CTIF: variants seen among roughly 807,000 people sequenced by gnomAD.
The protein encoded by CTIF is CBP80/20-dependent translation initiation factor.
In CTIF, 21 loss-of-function variants were observed where a neutral mutation model predicts 66.0. That is an observed-to-expected ratio of 0.32 (90% CI 0.23 to 0.46). The LOEUF (loss-of-function observed/expected upper bound fraction) is 0.46. CTIF is among the 20% of genes least tolerant of loss of function. CTIF has a pLI of 1.00. For synonymous variants in CTIF, 345 were observed against 326.4 expected (o/e 1.06, Z -0.62); for missense variants, 739 against 812.7 (o/e 0.91, Z 1.10).
chr18:48,578,597 T>G (rs2089586963), intron 1 of CTIF, among the ~76,000 whole-genome samples: 1 of 152,350 alleles, frequency 6.6e-6, no homozygotes, highest in East Asian at 1.9e-4. Context: ...TCTTTTCATG[T>G]GCTTTTTAGT....
chr18:48,565,042 G>C (rs1342880304), intron 1 of CTIF: 1 of 152,150 alleles, frequency 6.6e-6, no homozygotes, highest in African/African-American at 2.4e-5. Flanking sequence ...TGCATATTAA[G>C]TCAATTTCCT....
intron 10 of CTIF, among the ~76,000 whole-genome samples, chr18:48,839,167 A>G (rs919676257): frequency 6.6e-6 from 1 of 151,914 alleles, no homozygotes; most frequent in East Asian, 1.9e-4. Context: ...TTTCCCCTGA[A>G]TTACCCCACC....
At chr18:48,767,302 C>G (rs1017483765) in intron 9 of CTIF, among the ~76,000 whole-genome samples, 1 of 152,110 alleles carries the variant, frequency 6.6e-6, no homozygotes, top group African/African-American at 2.4e-5. Flanking sequence ...GAGTGTGCCT[C>G]TTTTTATGGG....
rs1045479473 is a variant in CTIF at position 48,711,833 on chromosome 18, T to C, written c.584+138T>C. ...GAGATGGGGTTGGTGGCATCGTGGG[T>C]TGGTTACTGGCTGGGGATTCCCCAG... On this transcript the variant is annotated intron_variant, in intron 7 of 11. Coordinates refer to ENST00000256413, the MANE Select transcript of CTIF (RefSeq NM_014772.3). 3 of 715,020 alleles carry C rather than the reference T, an allele frequency of 4.2e-6. No homozygotes were observed. The Admixed American group carries it at 6.6e-5, about 16-fold the overall frequency. The allele number at this position is 715,020 out of a possible 1,614,324, so 44.3% of individuals were successfully genotyped here. A position where few individuals can be genotyped will look rare whatever the true frequency, so the allele number is the denominator to read the frequency against.
At chr18:48,592,889 G>A (rs1208196161) in intron 1 of CTIF, among the ~76,000 whole-genome samples, 2 of 152,228 alleles carry the variant, frequency 1.3e-5, no homozygotes, top group Admixed American at 1.3e-4. Flanking sequence ...AAAACATCTG[G>A]GGGCTTCCTC....
intron 2 of CTIF, among the ~76,000 whole-genome samples, chr18:48,620,188 T>C (rs1222992272): frequency 6.6e-6 from 1 of 152,250 alleles, no homozygotes; most frequent in Non-Finnish European, 1.5e-5. Flanking sequence ...GCCAAAGGAA[T>C]GATTGTTAGT....
intron 9 of CTIF, among the ~76,000 whole-genome samples, chr18:48,773,002 C>G (rs1910320174): frequency 6.6e-6 from 1 of 152,200 alleles, no homozygotes; most frequent in South Asian, 2.1e-4. Context: ...AGGACACTGC[C>G]TTACTGAAAT....
chr18:48,711,778 C>T (rs1438729073), intron 7 of CTIF, 83 bp downstream of exon 7: 25 of 1,219,780 alleles, frequency 2.0e-5, no homozygotes, highest in East Asian at 9.3e-5. Context: ...GCCTGCATTT[C>T]GCTTTTCCCA....
intron 9 of CTIF, among the ~76,000 whole-genome samples, chr18:48,774,081 C>CA (rs1276826766): frequency 6.6e-6 from 1 of 152,182 alleles, no homozygotes; most frequent in African/African-American, 2.4e-5. Context: ...CAGGAACACA[C>CA]AGAGTGCACG....
intron 3 of CTIF, among the ~76,000 whole-genome samples, chr18:48,643,999 A>C (rs752218680): frequency 6.6e-6 from 1 of 152,178 alleles, no homozygotes; most frequent in Non-Finnish European, 1.5e-5. Flanking sequence ...CATTAATAAA[A>C]AAGTTCTTTC....
chr18:48,680,480 G>A (rs1400555026), intron 6 of CTIF, among the ~76,000 whole-genome samples: 1 of 152,264 alleles, frequency 6.6e-6, no homozygotes, highest in Non-Finnish European at 1.5e-5. Context: ...GGGTTGAGAA[G>A]AGGCCAGCAG....
chr18:48,562,447 G>A (rs1438198486), intron 1 of CTIF, among the ~76,000 whole-genome samples: 2 of 152,272 alleles, frequency 1.3e-5, no homozygotes, highest in East Asian at 3.9e-4. Context: ...ATAAAAACTG[G>A]GTGGAGCAGG....
At chr18:48,785,167 T>TCTCTCTTTTCCCTCCTTCCTTCC (rs1911593995) in intron 9 of CTIF, among the ~76,000 whole-genome samples, 2 of 152,136 alleles carry the variant, frequency 1.3e-5, no homozygotes, top group African/African-American at 4.8e-5. Flanking sequence ...CCTTCCTTCC[T>TCTCTCTTTTCCCTCCTTCCTTCC]CTCTCTTTTC....
intron 9 of CTIF, among the ~76,000 whole-genome samples, chr18:48,812,413 C>T (rs1238389475): frequency 2.6e-5 from 4 of 152,134 alleles, no homozygotes; most frequent in African/African-American, 7.2e-5. Flanking sequence ...CTCATGAAGA[C>T]GTTGCCTTCA....
chr18:48,555,645 A>G (rs1369499738), intron 1 of CTIF, among the ~76,000 whole-genome samples: 2 of 152,172 alleles, frequency 1.3e-5, no homozygotes, highest in Admixed American at 1.3e-4. Flanking sequence ...CTCTGGCTTC[A>G]TTTCTTTTTT....
chr18:48,596,770 A>G (rs6507855), intron 1 of CTIF, among the ~76,000 whole-genome samples: 1 of 151,746 alleles, frequency 6.6e-6, no homozygotes, highest in African/African-American at 2.4e-5. Flanking sequence ...GCCACCGCAC[A>G]TGTCTGGAAT....
intron 9 of CTIF, among the ~76,000 whole-genome samples, chr18:48,771,151 C>T (rs1434681106): frequency 6.6e-6 from 1 of 152,220 alleles, no homozygotes; most frequent in Non-Finnish European, 1.5e-5. Context: ...ATCTCCCAGC[C>T]CAGGGACCTC....
At chr18:48,747,134 A>T (rs919482172) in intron 7 of CTIF, among the ~76,000 whole-genome samples, 1 of 152,030 alleles carries the variant, frequency 6.6e-6, no homozygotes, top group Non-Finnish European at 1.5e-5. Context: ...GCAAAGGAAG[A>T]CTCCAAAGCT....
At chr18:48,578,011 C>T (rs1292771421) in intron 1 of CTIF, among the ~76,000 whole-genome samples, 1 of 152,238 alleles carries the variant, frequency 6.6e-6, no homozygotes, top group African/African-American at 2.4e-5. Context: ...TAGGCAACCA[C>T]TTATGTGCTT....
Sources: gnomAD v4.1 joint callset for allele counts (sites outside exome capture counted in the v4.1 genomes callset) on GRCh38, gnomAD v4.1.1 for gene constraint, MANE v1.5 for transcripts, NCBI Gene and HGNC (gene_info 2026-07-23, HGNC 2026-07-21) for gene names.